HEATR1: variants seen among roughly 807,000 people sequenced by gnomAD.
The protein encoded by HEATR1 is HEAT repeat containing 1, also known as HEAT repeat-containing protein 1.
In HEATR1, 77 loss-of-function variants were observed where a neutral mutation model predicts 248.2. The observed-to-expected ratio is 0.31, with a 90% CI of 0.26 to 0.37. The LOEUF (loss-of-function observed/expected upper bound fraction) is 0.37. Ranked by LOEUF, HEATR1 falls within the 10% of genes least tolerant of loss-of-function variation. The pLI is 1.00. For missense variants in HEATR1, 2,420 were observed against 2,504.9 expected (o/e 0.97, Z 0.72); for synonymous variants, 897 against 923.1 (o/e 0.97, Z 0.51).
At chr1:236,560,028 C>A (rs1392380921) in intron 33 of HEATR1, among the ~76,000 whole-genome samples, 191 bp from the exon 34 acceptor site, 2 of 146,846 alleles carry the variant, frequency 1.4e-5, no homozygotes, top group Non-Finnish European at 3.0e-5. Context: ...CAAGAAGTAA[C>A]TAGGCGCTTC....
intron 23 of HEATR1, 128 bp downstream of exon 23, chr1:236,574,533 C>G (rs1663514837): frequency 6.3e-6 from 8 of 1,275,028 alleles, no homozygotes; most frequent in Non-Finnish European, 8.6e-6. Flanking sequence ...TTTAAAACGT[C>G]TAGTCCACCT....
intron 43 of HEATR1, among the ~76,000 whole-genome samples, chr1:236,553,343 A>G (rs940200148): frequency 1.3e-5 from 2 of 152,212 alleles, no homozygotes; most frequent in African/African-American, 4.8e-5. Flanking sequence ...CCAACGCACC[A>G]TTGGGGTGGG....
chr1:236,595,523 A>T lies in HEATR1; in HGVS notation c.1090+17T>A. 1 of 1,585,342 alleles carries T rather than the reference A, an allele frequency of 6.3e-7. No individual in the cohort carries two copies. The highest frequency in any genetic ancestry group is 1.2e-5 in the South Asian group (1 of 85,448). On this transcript the variant is annotated intron_variant, in intron 8 of 44. Transcript: ENST00000366582. Reference sequence around the variant, plus strand: ...AATCTTAGAAAATTTCTGGACAAAAAATATAAAACCACACACCTGTAACAT... The same window carrying T: ...AATCTTAGAAAATTTCTGGACAAAATATATAAAACCACACACCTGTAACAT...
intron 32 of HEATR1, among the ~76,000 whole-genome samples, chr1:236,562,239 T>C (rs1021396030): frequency 2.0e-5 from 3 of 152,262 alleles, no homozygotes; most frequent in Non-Finnish European, 4.4e-5. Context: ...TAATGGAAAC[T>C]GAGGCTTTTT....
chr1:236,577,965 G>A (rs994373917), intron 20 of HEATR1, among the ~76,000 whole-genome samples: 12 of 152,212 alleles, frequency 7.9e-5, no homozygotes, highest in South Asian at 4.1e-4. Context: ...CCTGTGCATC[G>A]TACTCTACAA....
At chr1:236,593,584 G>GAAAAAAAAAAAAAAA (rs534009257) in intron 9 of HEATR1, among the ~76,000 whole-genome samples, 1 of 90,822 alleles carries the variant, frequency 1.1e-5, no homozygotes, top group Non-Finnish European at 2.2e-5. Context: ...CCCATTAAGA[G>GAAAAAAAAAAAAAAA]AAAAAAAAAA....
At chr1:236,561,454 T>G (rs541209689) in intron 32 of HEATR1, among the ~76,000 whole-genome samples, 183 bp from the exon 33 acceptor site, 1 of 152,290 alleles carries the variant, frequency 6.6e-6, no homozygotes, top group South Asian at 2.1e-4. Flanking sequence ...TTCTCTTAAT[T>G]TATTTTAATT....
intron 7 of HEATR1, 49 bp from the exon 8 acceptor site, chr1:236,595,722 A>G: frequency 1.3e-6 from 2 of 1,557,764 alleles, no homozygotes; most frequent in Middle Eastern, 1.7e-4. Flanking sequence ...AAGTTAGACA[A>G]TGAGTAACAA....
rs1291453466 is a variant in HEATR1 at position 236,558,997 on chromosome 1, T to C, written c.4909A>G (p.Ile1637Val). 7 of 1,604,346 alleles carry C rather than the reference T, an allele frequency of 4.4e-6. No homozygotes were observed. Among genetic ancestry groups the C allele is most frequent in the East Asian group, 4.5e-5 (2 of 44,800 alleles). ...LQQNISWKKT[I>V]VTRFLKLVPD... ...GTGTGTCCTGGGTCTTCACTCACTA[T>C]TGTCTTCTTCCAGGATATATTTTGC... Residue 1637 changes from isoleucine to valine, a missense_variant and splice_region_variant, in exon 35 of 45, where the codon ATA becomes GTA. Transcript: ENST00000366582.
At chr1:236,564,453 G>A (rs1313086032) in intron 32 of HEATR1, 45 bp downstream of exon 32, 1 of 1,561,034 alleles carries the variant, frequency 6.4e-7, no homozygotes, top group Non-Finnish European at 8.8e-7. Context: ...GTTCCTTGGA[G>A]ACAGCAGAAT....
intron 43 of HEATR1, 42 bp from the exon 44 acceptor site, chr1:236,552,149 C>T (rs756953361): frequency 6.9e-6 from 9 of 1,309,288 alleles, no homozygotes; most frequent in African/African-American, 4.3e-5. Context: ...AGTAGTGTTA[C>T]TGTATTTATT....
intron 20 of HEATR1, among the ~76,000 whole-genome samples, chr1:236,578,676 T>C (rs1295752044): frequency 1.3e-5 from 2 of 152,180 alleles, no homozygotes; most frequent in South Asian, 2.1e-4. Context: ...CTAGAGCCTA[T>C]TTGCGAATAT....
At chr1:236,552,730 C>T (rs1194782271) in intron 43 of HEATR1, 1 of 152,220 alleles carries the variant, frequency 6.6e-6, no homozygotes, top group African/African-American at 2.4e-5. Context: ...AAAAGCCCTA[C>T]TGGTCTTCTA....
chr1:236,558,907 G>T, intron 35 of HEATR1, 88 bp downstream of exon 35: 3 of 1,113,266 alleles, frequency 2.7e-6, no homozygotes, highest in Non-Finnish European at 2.5e-6. Context: ...ATTTGAAATT[G>T]TACCACTAGA....
In HEATR1 at chr1:236,555,344, C is replaced by A; in HGVS notation, c.5875G>T (p.Val1959Leu). 1.2e-6 allele frequency: 2 copies of A among 1,614,238 alleles called. No homozygotes were observed. Among genetic ancestry groups the A allele is most frequent in the Non-Finnish European group, 1.7e-6 (2 of 1,180,044 alleles). ...GLFTLFAGHL[V>L]KPFADTLNQV... ...TTCAAGGTGTCAGCAAAAGGCTTCA[C>A]TAAGTGGCCGGCAAACAGAGTAAAA... is the stretch of plus-strand genomic sequence containing the variant. Residue 1959 changes from valine (V) to leucine (L), a missense_variant, in exon 41 of 45, where the codon GTG becomes TTG. Coordinates refer to ENST00000366582, the MANE Select transcript of HEATR1 (RefSeq NM_018072.6).
At chr1:236,586,887 T>C (rs1663900716) in intron 14 of HEATR1, among the ~76,000 whole-genome samples, 1 of 152,046 alleles carries the variant, frequency 6.6e-6, no homozygotes, top group Admixed American at 6.5e-5. Context: ...GATAGATATC[T>C]ACCCATACGA....
At chr1:236,559,985 A>G in intron 33 of HEATR1, 148 bp from the exon 34 acceptor site, 1 of 858,972 alleles carries the variant, frequency 1.2e-6, no homozygotes, top group Non-Finnish European at 1.7e-6. Context: ...GAAAGAAAGG[A>G]AATGAGGGAT....
chr1:236,551,840 G>A (rs1173255477), intron 44 of HEATR1, 159 bp downstream of exon 44: 7 of 577,864 alleles, frequency 1.2e-5, no homozygotes, highest in South Asian at 4.3e-5. Flanking sequence ...ACAGGAGCTC[G>A]AGCCTGCCTG....
At chr1:236,555,008 G>C (rs140144549) in intron 41 of HEATR1, among the ~76,000 whole-genome samples, 6 of 152,310 alleles carry the variant, frequency 3.9e-5, no homozygotes, top group Non-Finnish European at 7.3e-5. Flanking sequence ...ATTAGCATTA[G>C]AGAATAAACT....
Sources: gnomAD v4.1 joint callset for allele counts (sites outside exome capture counted in the v4.1 genomes callset) on GRCh38, gnomAD v4.1.1 for gene constraint, MANE v1.5 for transcripts, NCBI Gene and HGNC (gene_info 2026-07-23, HGNC 2026-07-21) for gene names.